Variants in NBEAL1 observed in about 807,000 individuals in gnomAD.
NBEAL1 encodes the protein neurobeachin like 1.
In NBEAL1, 273 loss-of-function variants were observed where a neutral mutation model predicts 351.3. The ratio of observed to expected loss-of-function variants is 0.78; its 90% CI spans 0.70 to 0.86. NBEAL1 has a LOEUF of 0.86. Ranked by LOEUF, NBEAL1 falls within the 40% of genes least tolerant of loss-of-function variation. The probability of loss-of-function intolerance (pLI) is 0.00; values close to 1 mark genes in which losing one functional copy is unlikely to be tolerated. For synonymous variants in NBEAL1, 1,050 were observed against 1,086.4 expected, an observed-to-expected ratio of 0.97 and a Z score of 0.66; for missense variants, 2,961 against 3,201.3, an observed-to-expected ratio of 0.92 and a Z score of 1.81.
intron 4 of NBEAL1, among the ~76,000 whole-genome samples, chr2:203,050,547 A>G (rs1450328153): frequency 6.6e-6 from 1 of 152,176 alleles, no homozygotes; most frequent in African/African-American, 2.4e-5. Flanking sequence ...ATGTATATGC[A>G]TTTTTATTAC....
At chr2:203,053,167 T>A (rs955500215) in intron 4 of NBEAL1, among the ~76,000 whole-genome samples, 4 of 152,208 alleles carry the variant, frequency 2.6e-5, no homozygotes, top group African/African-American at 9.7e-5. Context: ...TCTACCAAAA[T>A]GGCTATACCA....
chr2:203,063,592 AAAAG>A (rs750733010), intron 6 of NBEAL1, among the ~76,000 whole-genome samples: 20 of 152,170 alleles, frequency 1.3e-4, no homozygotes, highest in African/African-American at 2.4e-4. Context: ...AGAAAAGAAA[AAAAG>A]AAATCTTCCT....
intron 4 of NBEAL1, among the ~76,000 whole-genome samples, chr2:203,053,676 T>C (rs1346924430): frequency 6.6e-6 from 1 of 151,856 alleles, no homozygotes; most frequent in Non-Finnish European, 1.5e-5. Context: ...CCACCATGCT[T>C]GGCTGATTTT....
chr2:203,020,854 C>T (rs933686778), intron 2 of NBEAL1, among the ~76,000 whole-genome samples: 1 of 152,048 alleles, frequency 6.6e-6, no homozygotes, highest in African/African-American at 2.4e-5. Context: ...TAGTTAACTA[C>T]TTCTTGTCTG....
Position 203,125,980 on chromosome 2 carries a change from C to G in NBEAL1, c.2872C>G (p.Leu958Val), listed in dbSNP as rs1316053517. Residue 958 changes from leucine (L) to valine (V), a missense_variant, in exon 21 of 56, where the codon CTA (leucine) becomes GTA (valine). Physicochemically the swap from Leu to Val is conservative, Grantham distance 32. Transcript: ENST00000683969. ...TACAGAGTCAAGACTAGAGAGAAAC[C>G]TAGTTGCAACATTTATCTTAATTGT... ...KASESRLERNLVATFILIVKH... is the reference protein window; with the variant it reads ...KASESRLERNVVATFILIVKH... The G allele has an allele frequency of 6.5e-7, 1 of 1,535,498 alleles. No homozygotes were observed. The highest frequency in any genetic ancestry group is 2.1e-5 in the Admixed American group (1 of 47,396).
At chr2:203,142,921 G>A (rs78810541) in intron 31 of NBEAL1, among the ~76,000 whole-genome samples, 2 of 152,200 alleles carry the variant, frequency 1.3e-5, no homozygotes, top group East Asian at 1.9e-4. Context: ...GTTAGAGATC[G>A]TTTCCTCCAA....
intron 12 of NBEAL1, among the ~76,000 whole-genome samples, chr2:203,100,709 G>A (rs557542415): frequency 1.2e-3 from 181 of 151,898 alleles, no homozygotes; most frequent in Non-Finnish European, 2.2e-3. Flanking sequence ...ACCACAGCCC[G>A]GCTAATTTTT....
chr2:203,117,281 G>A (rs1442719156), intron 18 of NBEAL1, among the ~76,000 whole-genome samples: 2 of 151,582 alleles, frequency 1.3e-5, no homozygotes, highest in South Asian at 2.1e-4. Context: ...TGGCTAACAC[G>A]GTGAAACCCC....
intron 8 of NBEAL1, among the ~76,000 whole-genome samples, chr2:203,079,489 G>T (rs897138076): frequency 4.6e-5 from 7 of 152,122 alleles, no homozygotes; most frequent in South Asian, 4.1e-4. Flanking sequence ...AAGATATCTG[G>T]TTTTTTCCAT....
At chr2:203,204,363 C>T (rs1474676653) in intron 51 of NBEAL1, among the ~76,000 whole-genome samples, 3 of 126,276 alleles carry the variant, frequency 2.4e-5, no homozygotes, top group Non-Finnish European at 3.2e-5. Context: ...CTCAGTCTGT[C>T]GTCCATGCTG....
At chr2:203,116,252 C>T (rs370116323) in intron 18 of NBEAL1, among the ~76,000 whole-genome samples, 182 bp downstream of exon 18, 4 of 152,072 alleles carry the variant, frequency 2.6e-5, no homozygotes, top group African/African-American at 9.7e-5. Flanking sequence ...ACCTCCTCCA[C>T]GAGGGTCCAA....
intron 2 of NBEAL1, among the ~76,000 whole-genome samples, chr2:203,020,036 GATA>G (rs1028619128): frequency 4.0e-5 from 6 of 151,812 alleles, no homozygotes; most frequent in African/African-American, 7.3e-5. Flanking sequence ...AATTTTAATT[GATA>G]ATAATTTTAA....
At chr2:203,187,708 A>G (rs1312686334) in intron 44 of NBEAL1, among the ~76,000 whole-genome samples, 1 of 151,136 alleles carries the variant, frequency 6.6e-6, no homozygotes, top group Non-Finnish European at 1.5e-5. Context: ...GTGCCACTGC[A>G]CTCCAACCTC....
intron 3 of NBEAL1, among the ~76,000 whole-genome samples, chr2:203,047,894 C>T (rs931419533): frequency 6.6e-6 from 1 of 151,924 alleles, no homozygotes; most frequent in African/African-American, 2.4e-5. Context: ...AGACATATAC[C>T]ACTATACCTG....
chr2:203,081,351 C>G (rs2061868779), intron 8 of NBEAL1, among the ~76,000 whole-genome samples: 2 of 152,146 alleles, frequency 1.3e-5, no homozygotes, highest in South Asian at 2.1e-4. Flanking sequence ...GTGTTCATCT[C>G]TAACTAGTTA....
intron 3 of NBEAL1, among the ~76,000 whole-genome samples, chr2:203,044,472 G>A (rs1226654549): frequency 6.6e-6 from 1 of 152,070 alleles, no homozygotes; most frequent in Non-Finnish European, 1.5e-5. Flanking sequence ...AGTTTCTAAG[G>A]TGCAGTTGTT....
chr2:203,033,078 G>C (rs911937428), intron 2 of NBEAL1, among the ~76,000 whole-genome samples: 5 of 151,700 alleles, frequency 3.3e-5, no homozygotes, highest in African/African-American at 1.2e-4. Context: ...TCGGCTCACT[G>C]CAAGCTCTGC....
intron 2 of NBEAL1, among the ~76,000 whole-genome samples, chr2:203,034,541 C>T (rs140549126): frequency 0.024 from 3,516 of 145,546 alleles, 224 homozygotes; most frequent in African/African-American, 0.084. Context: ...TCACTGAAAC[C>T]TCCACCTCCC....
In NBEAL1 at chr2:203,220,798, A is replaced by C. The variant is rs1252562162; in HGVS notation, c.*3444A>C. ...AAAATCAGGAAAGTATATAAAAATG[A>C]AGTTTGGCAAGTTGGTTTAGTCTTT... On this transcript the variant is annotated 3_prime_UTR_variant, in exon 56 of 56. Coordinates refer to ENST00000683969, the MANE Select transcript of NBEAL1 (RefSeq NM_001378026.1). Among the ~76,000 whole-genome samples the C allele has an allele frequency of 1.3e-5, 2 of 152,216 alleles. No individual in the cohort carries two copies. The highest frequency in any genetic ancestry group is 2.9e-5 in the Non-Finnish European group (2 of 68,028).
Sources: allele counts gnomAD v4.1 joint callset (sites outside exome capture counted in the v4.1 genomes callset), GRCh38; gene constraint gnomAD v4.1.1; transcripts MANE v1.5; gene names NCBI Gene and HGNC (gene_info 2026-07-23, HGNC 2026-07-21).